The following OR5H2 variants were observed in gnomAD, a reference collection of about 807,000 sequenced individuals.
OR5H2 encodes the protein olfactory receptor 5H2.
For missense variants in OR5H2, 391 were observed against 364.4 expected (o/e 1.07, Z -0.59); for synonymous variants, 132 against 126.8 (o/e 1.04, Z -0.27).
chr3:98,283,264 A>T lies in OR5H2; in HGVS notation c.362A>T (p.Asp121Val). The T allele has an allele frequency of 6.2e-7, 1 of 1,613,924 alleles. No individual in the cohort carries two copies. Among genetic ancestry groups the T allele is most frequent in the Non-Finnish European group, 8.5e-7 (1 of 1,179,912 alleles). ...ECFLLATMAY[D>V]RYVAICKPLL... ...TTTCTCTTGGCAACAATGGCATATG[A>T]TCGCTATGTAGCCATATGCAAACCT... The change falls in exon 1 of 1, where the codon GAT (aspartate) becomes GTT (valine). Residue 121 changes from aspartate (D) to valine (V), a missense_variant. Asp to Val is a radical substitution (Grantham distance 152, BLOSUM62 -3). Transcript: ENST00000355273.
chr3:98,282,807 T>C lies in OR5H2; in HGVS notation c.-96T>C. The C allele has an allele frequency of 9.5e-7, 1 of 1,057,592 alleles. No homozygotes were observed. Among genetic ancestry groups the C allele is most frequent in the Non-Finnish European group, 1.4e-6 (1 of 706,466 alleles). The allele number at this position is 1,057,592 out of a possible 1,614,324, so 65.5% of individuals were successfully genotyped here. On this transcript the variant is annotated 5_prime_UTR_variant, in exon 1 of 1. Transcript: ENST00000355273. ...GGGTATTGTAATAAGAGTATGTTTT[T>C]CTATCAACTTCCCTCCCCCAGTATT...
Position 98,283,934 on chromosome 3 carries a change from A to T in OR5H2, c.*102A>T, listed in dbSNP as rs766645818. On this transcript the variant is annotated 3_prime_UTR_variant, in exon 1 of 1. Transcript: ENST00000355273. ...TTATTGTAAATATAATTGTTTTAGC[A>T]TTTTAATGACTTAGGGTTTTATACC... The T allele has an allele frequency of 9.4e-6, 6 of 638,590 alleles. No individual in the cohort carries two copies. The highest frequency in any genetic ancestry group is 7.6e-6 in the Non-Finnish European group (3 of 394,022). 39.6% of individuals were successfully genotyped at this position (638,590 alleles called of 1,614,324 possible).
chr3:98,283,772 C>T lies in OR5H2; in HGVS notation c.870C>T (p.Tyr290=). ...TTCCTTTGCTAAATCCCATTATCTA[C>T]AGTCTGAGAAATAAACAAGTAATAG... ...IIIPLLNPII[Y]SLRNKQVIDS... The change falls in exon 1 of 1, where the codon TAC becomes TAT. Residue 290 remains tyrosine (Y), a synonymous_variant. Transcript: ENST00000355273. 6.3e-7 allele frequency: 1 copy of T among 1,582,014 alleles called. No individual in the cohort carries two copies. The highest frequency in any genetic ancestry group is 2.2e-5 in the East Asian group (1 of 44,622).
rs775670206 is a variant in OR5H2 at position 98,283,193 on chromosome 3, C to T, written c.291C>T (p.Cys97=). 1 of 1,613,998 alleles carries T rather than the reference C, an allele frequency of 6.2e-7. No homozygotes were observed. Among genetic ancestry groups the T allele is most frequent in the Non-Finnish European group, 8.5e-7 (1 of 1,179,950 alleles). Residue 97 remains cysteine (C), a synonymous_variant, in exon 1 of 1, where the codon TGC becomes TGT. Coordinates refer to ENST00000355273, the MANE Select transcript of OR5H2 (RefSeq NM_001005482.2). ...ACAGGATGATATCTCTGTCTGAATG[C>T]ATGATTCAATTTTTTTCCTTTGCAT... The part of the protein sequence containing the change: ...AKNRMISLSE[C]MIQFFSFAFG...
Position 98,283,516 on chromosome 3 carries a change from C to T in OR5H2, c.614C>T (p.Ser205Leu), listed in dbSNP as rs1424429698. Residue 205 changes from serine to leucine, a missense_variant, in exon 1 of 1, where the codon TCA becomes TTA. Transcript: ENST00000355273. ...CTAATGGTTTTTATTTTGTCTGGCT[C>T]AATTCAGGTATTCACCATTGTGACA... is the stretch of plus-strand genomic sequence containing the variant. ...NFLMVFILSG[S>L]IQVFTIVTVL... 2 of 1,612,838 alleles carry T rather than the reference C, an allele frequency of 1.2e-6. No individual in the cohort carries two copies. Among genetic ancestry groups the T allele is most frequent in the East Asian group, 2.2e-5 (1 of 44,868 alleles).
Position 98,283,706 on chromosome 3 carries a change from T to C in OR5H2, c.804T>C (p.Asp268=). 1 of 1,612,756 alleles carries C rather than the reference T, an allele frequency of 6.2e-7. No homozygotes were observed. Among genetic ancestry groups the C allele is most frequent in the Non-Finnish European group, 8.5e-7 (1 of 1,179,372 alleles). Residue 268 remains aspartate (D), a synonymous_variant, in exon 1 of 1, where the codon GAT becomes GAC. Coordinates refer to ENST00000355273, the MANE Select transcript of OR5H2 (RefSeq NM_001005482.2). ...TGCGCCCTGCATCTCCACAAGCAGA[T>C]GACCAAGATATGATAGACTCTGTCT... ...MYLRPASPQA[D]DQDMIDSVFY... is the part of the protein sequence containing the mutation.
rs16839214 is a variant in OR5H2 at position 98,283,575 on chromosome 3, A to G, written c.673A>G (p.Ile225Val). The change falls in exon 1 of 1, where the codon ATC becomes GTC. Residue 225 changes from isoleucine (I) to valine (V), a missense_variant. Ile to Val is a conservative substitution (Grantham distance 29). Transcript: ENST00000355273. ...LNSYTFALFTILKKKSVRGVR... is the reference protein window; with the variant it reads ...LNSYTFALFTVLKKKSVRGVR... ...TTCTTACACATTTGCTCTTTTCACA[A>G]TCCTAAAAAAGAAGTCTGTTAGAGG... 0.12 allele frequency: 197,033 copies of G among 1,613,058 alleles called. 13,366 individuals are homozygous for G. Among genetic ancestry groups the G allele is most frequent in the East Asian group, 0.23 (10,256 of 44,832 alleles).
Position 98,283,726 on chromosome 3 carries a change from C to T in OR5H2, c.824C>T (p.Ser275Phe). 1 of 1,609,414 alleles carries T rather than the reference C, an allele frequency of 6.2e-7. No individual in the cohort carries two copies. Among genetic ancestry groups the T allele is most frequent in the Non-Finnish European group, 8.5e-7 (1 of 1,177,114 alleles). Residue 275 changes from serine (S) to phenylalanine (F), a missense_variant, in exon 1 of 1, where the codon TCT becomes TTT. Transcript: ENST00000355273. ...PQADDQDMIDSVFYTIIIPLL... is the reference protein window; with the variant it reads ...PQADDQDMIDFVFYTIIIPLL... ...GCAGATGACCAAGATATGATAGACT[C>T]TGTCTTTTATACAATCATAATTCCT...
rs1706152593 is a variant in OR5H2 at position 98,283,119 on chromosome 3, A to G, written c.217A>G (p.Ile73Val). 1 of 1,614,030 alleles carries G rather than the reference A, an allele frequency of 6.2e-7. No homozygotes were observed. ...LGSLAFVDAWISSTVTPKMLV... is the reference protein window; with the variant it reads ...LGSLAFVDAWVSSTVTPKMLV... Reference sequence around the variant, plus strand: ...GAGTTTAGCCTTTGTTGATGCTTGGATATCTTCCACAGTAACTCCCAAAAT... The same window carrying G: ...GAGTTTAGCCTTTGTTGATGCTTGGGTATCTTCCACAGTAACTCCCAAAAT... Residue 73 changes from isoleucine to valine, a missense_variant, in exon 1 of 1, where the codon ATA becomes GTA. Physicochemically the swap from Ile to Val is conservative, Grantham distance 29. Transcript: ENST00000355273.
In OR5H2 at chr3:98,283,400, A is replaced by C; in HGVS notation, c.498A>C (p.Leu166Phe). The C allele has an allele frequency of 6.2e-7, 1 of 1,609,644 alleles. No individual in the cohort carries two copies. The highest frequency in any genetic ancestry group is 8.5e-7 in the Non-Finnish European group (1 of 1,179,082). ...TTCATGAAGTCCTTATATTCAGATT[A>C]ACCTTCTGCAATTCTAACATAATAC... ...ALIHEVLIFR[L>F]TFCNSNIIHH... The change falls in exon 1 of 1, where the codon TTA (leucine) becomes TTC (phenylalanine). Residue 166 changes from leucine to phenylalanine, a missense_variant. By Grantham distance (22) the Leu-to-Phe change is conservative. Transcript: ENST00000355273.
rs1369745381 is a variant in OR5H2, at chr3:98,283,729, T to A, written c.827T>A (p.Val276Asp). 1 of 1,609,264 alleles carries A rather than the reference T, an allele frequency of 6.2e-7. No individual in the cohort carries two copies. The change falls in exon 1 of 1, where the codon GTC becomes GAC. Residue 276 changes from valine (V) to aspartate (D), a missense_variant. Val to Asp is a radical substitution (Grantham distance 152, BLOSUM62 -3). Coordinates refer to ENST00000355273, the MANE Select transcript of OR5H2 (RefSeq NM_001005482.2). ...QADDQDMIDSVFYTIIIPLLN... is the reference protein window; with the variant it reads ...QADDQDMIDSDFYTIIIPLLN... ...GATGACCAAGATATGATAGACTCTGTCTTTTATACAATCATAATTCCTTTG... is the reference window on the plus strand; with the variant it reads ...GATGACCAAGATATGATAGACTCTGACTTTTATACAATCATAATTCCTTTG...
Position 98,283,844 on chromosome 3 carries a change from A to C in OR5H2, c.*12A>C, listed in dbSNP as rs78202267. 1 of 1,401,726 alleles carries C rather than the reference A, an allele frequency of 7.1e-7. No homozygotes were observed. The highest frequency in any genetic ancestry group is 1.5e-5 in the African/African-American group (1 of 68,230). The allele number at this position is 1,401,726 out of a possible 1,614,324, so 86.8% of individuals were successfully genotyped here. On this transcript the variant is annotated 3_prime_UTR_variant, in exon 1 of 1. Coordinates refer to ENST00000355273, the MANE Select transcript of OR5H2 (RefSeq NM_001005482.2). ...AAAGAAATGTTTAGATTTCATAGTG[A>C]TATCTCTCATTTTCAGTAAAAAGAA... is the stretch of plus-strand genomic sequence containing the variant.
Position 98,283,358 on chromosome 3 carries a change from C to A in OR5H2, c.456C>A (p.Gly152=). 5 of 1,612,150 alleles carry A rather than the reference C, an allele frequency of 3.1e-6. No homozygotes were observed. Among genetic ancestry groups the A allele is most frequent in the Non-Finnish European group, 4.2e-6 (5 of 1,179,590 alleles). Residue 152 remains glycine, a synonymous_variant, in exon 1 of 1, where the codon GGC becomes GGA. Coordinates refer to ENST00000355273, the MANE Select transcript of OR5H2 (RefSeq NM_001005482.2). The part of the protein sequence containing the change: ...IRLLAFSFLG[G]FLHALIHEVL... ...TGTTAGCCTTCTCATTTTTAGGTGGCTTCCTCCATGCCTTAATTCATGAAG... is the reference window on the plus strand; with the variant it reads ...TGTTAGCCTTCTCATTTTTAGGTGGATTCCTCCATGCCTTAATTCATGAAG...
Position 98,283,287 on chromosome 3 carries a change from C to T in OR5H2, c.385C>T (p.Pro129Ser). Residue 129 changes from proline to serine, a missense_variant, in exon 1 of 1, where the codon CCT becomes TCT. Transcript: ENST00000355273. The stretch of plus-strand genomic sequence containing the variant: ...TGATCGCTATGTAGCCATATGCAAA[C>T]CTTTACTATATCCAGTGATTATGAA... Reference protein sequence around the residue: ...AYDRYVAICKPLLYPVIMNNS... With the variant: ...AYDRYVAICKSLLYPVIMNNS... 1.2e-6 allele frequency: 2 copies of T among 1,613,710 alleles called. No homozygotes were observed. The highest frequency in any genetic ancestry group is 1.7e-6 in the Non-Finnish European group (2 of 1,179,894).
rs1576167346 is a variant in OR5H2 at position 98,282,736 on chromosome 3, C to T, written c.-167C>T. 6 of 571,458 alleles carry T rather than the reference C, an allele frequency of 1.0e-5. No individual in the cohort carries two copies. The highest frequency in any genetic ancestry group is 7.1e-5 in the Admixed American group (2 of 28,022). 35.4% of individuals were successfully genotyped at this position (571,458 alleles called of 1,614,324 possible). A position where few individuals can be genotyped will look rare whatever the true frequency, so the allele number is the denominator to read the frequency against. Reference sequence around the variant, plus strand: ...CATTTATTTTGATTTCTTATATTTCCCAAAACAGTTTCCATCTATTACAGG... The same window carrying T: ...CATTTATTTTGATTTCTTATATTTCTCAAAACAGTTTCCATCTATTACAGG... On this transcript the variant is annotated 5_prime_UTR_variant, in exon 1 of 1. Coordinates refer to ENST00000355273, the MANE Select transcript of OR5H2 (RefSeq NM_001005482.2).
chr3:98,283,690 C>A lies in OR5H2; in HGVS notation c.788C>A (p.Ala263Glu). The change falls in exon 1 of 1, where the codon GCA becomes GAA. Residue 263 changes from alanine to glutamate, a missense_variant. By Grantham distance (107) the Ala-to-Glu change is moderately radical. Coordinates refer to ENST00000355273, the MANE Select transcript of OR5H2 (RefSeq NM_001005482.2). ...GPLIFMYLRP[A>E]SPQADDQDMI... The stretch of plus-strand genomic sequence containing the variant: ...CTTATCTTCATGTATTTGCGCCCTG[C>A]ATCTCCACAAGCAGATGACCAAGAT... 6.2e-7 allele frequency: 1 copy of A among 1,613,074 alleles called. No homozygotes were observed. The highest frequency in any genetic ancestry group is 1.1e-5 in the South Asian group (1 of 90,970).
Position 98,283,742 on chromosome 3 carries a change from C to T in OR5H2, c.840C>T (p.Ile280=), listed in dbSNP as rs1265919655. The part of the protein sequence containing the change: ...QDMIDSVFYT[I]IIPLLNPIIY... The stretch of plus-strand genomic sequence containing the variant: ...TGATAGACTCTGTCTTTTATACAAT[C>T]ATAATTCCTTTGCTAAATCCCATTA... The change falls in exon 1 of 1, where the codon ATC becomes ATT. Residue 280 remains isoleucine, a synonymous_variant. Transcript: ENST00000355273. 4 of 1,604,454 alleles carry T rather than the reference C, an allele frequency of 2.5e-6. No individual in the cohort carries two copies. The highest frequency in any genetic ancestry group is 2.2e-5 in the East Asian group (1 of 44,794).
rs1345655514 is a variant in OR5H2, at chr3:98,282,555, C to A, written c.-348C>A. 6.6e-6 allele frequency among the ~76,000 whole-genome samples: 1 copy of A among 152,176 alleles called. No homozygotes were observed. Among genetic ancestry groups the A allele is most frequent in the Non-Finnish European group, 1.5e-5 (1 of 68,030 alleles). ...GCTTCCCAGCACACTTGATGGCCAC[C>A]TTGCAGGCTGTAACCCCTTATAAGA... is the stretch of plus-strand genomic sequence containing the variant. On this transcript the variant is annotated 5_prime_UTR_variant, in exon 1 of 1. Coordinates refer to ENST00000355273, the MANE Select transcript of OR5H2 (RefSeq NM_001005482.2).
At position 98,282,789 on chromosome 3, in the gene OR5H2, G is replaced by A. The variant is rs1262572075; in HGVS notation, c.-114G>A. On this transcript the variant is annotated 5_prime_UTR_variant, in exon 1 of 1. Coordinates refer to ENST00000355273, the MANE Select transcript of OR5H2 (RefSeq NM_001005482.2). ...TATGAAAGAAAATTAAAAGGGTATT[G>A]TAATAAGAGTATGTTTTTCTATCAA... 2 of 863,042 alleles carry A rather than the reference G, an allele frequency of 2.3e-6. No homozygotes were observed. The highest frequency in any genetic ancestry group is 4.8e-5 in the Admixed American group (2 of 41,574). 53.5% of individuals were successfully genotyped at this position (863,042 alleles called of 1,614,324 possible). A position where few individuals can be genotyped will look rare whatever the true frequency, so the allele number is the denominator to read the frequency against.
Sources: gnomAD v4.1 joint callset for allele counts (sites outside exome capture counted in the v4.1 genomes callset) on GRCh38, gnomAD v4.1.1 for gene constraint, MANE v1.5 for transcripts, NCBI Gene and HGNC (gene_info 2026-07-23, HGNC 2026-07-21) for gene names.